SPINK14: variants seen among roughly 807,000 people sequenced by gnomAD.
The protein encoded by SPINK14 is serine peptidase inhibitor Kazal type 14 (putative), also known as serine protease inhibitor Kazal-type 14.
SPINK14 carries 6 observed loss-of-function variants against 14.2 expected under a neutral mutation model. That is an observed-to-expected ratio of 0.42 (90% confidence interval 0.23 to 0.83). The LOEUF (loss-of-function observed/expected upper bound fraction) is 0.83. Ranked by LOEUF, SPINK14 falls within the 40% of genes least tolerant of loss-of-function variation. SPINK14 has a pLI of 0.28. For synonymous variants in SPINK14, 34 were observed against 36.8 expected, an observed-to-expected ratio of 0.92 and a Z score of 0.27; for missense variants, 86 against 108.3, an observed-to-expected ratio of 0.79 and a Z score of 0.91.
intron 4 of SPINK14, among the ~76,000 whole-genome samples, chr5:148,174,631 A>C (rs1755144901): frequency 2.1e-5 from 1 of 48,370 alleles, no homozygotes; most frequent in Non-Finnish European, 4.3e-5. Context: ...CAATTGATTG[A>C]CTTCCACTCG....
At position 148,174,385 on chromosome 5, in the gene SPINK14, G is replaced by A; in HGVS notation, c.248+15G>A. On this transcript the variant is annotated intron_variant, in intron 4 of 4. Transcript: ENST00000356972. Reference sequence around the variant, plus strand: ...GTTGAGAGCTTGTGAGTACTATTTGGGGAAAAGAGGGGAACTGTAAGTATG... The same window carrying A: ...GTTGAGAGCTTGTGAGTACTATTTGAGGAAAAGAGGGGAACTGTAAGTATG... 9.2e-7 allele frequency: 1 copy of A among 1,091,322 alleles called. No individual in the cohort carries two copies. 67.6% of individuals were successfully genotyped at this position (1,091,322 alleles called of 1,614,324 possible). A position where few individuals can be genotyped will look rare whatever the true frequency, so the allele number is the denominator to read the frequency against.
Position 148,175,316 on chromosome 5 carries a change from T to C in SPINK14, c.249-37T>C, listed in dbSNP as rs1481636349. 2.3e-6 allele frequency: 3 copies of C among 1,306,870 alleles called. No homozygotes were observed. In the African/African-American group the frequency reaches 4.4e-5, roughly 19 times the overall value. The allele number at this position is 1,306,870 out of a possible 1,614,324, so 81.0% of individuals were successfully genotyped here. A position where few individuals can be genotyped will look rare whatever the true frequency, so the allele number is the denominator to read the frequency against. ...GTATTTGTTTAGTTCTGACATTGTA[T>C]TACTAAATGAAATGTTTATTCTGAT... On this transcript the variant is annotated intron_variant, in intron 4 of 4. Coordinates refer to ENST00000356972, the MANE Select transcript of SPINK14 (RefSeq NM_001001325.2).
rs1346884924 is a variant in SPINK14, at chr5:148,175,596, A to G, written c.*198A>G. Among the ~76,000 whole-genome samples the G allele has an allele frequency of 6.6e-6, 1 of 152,034 alleles. No individual in the cohort carries two copies. The highest frequency in any genetic ancestry group is 1.5e-5 in the Non-Finnish European group (1 of 68,004). On this transcript the variant is annotated 3_prime_UTR_variant, in exon 5 of 5. Coordinates refer to ENST00000356972, the MANE Select transcript of SPINK14 (RefSeq NM_001001325.2). ...ACTGATTGCCTTCCATAGTCTCCCT[A>G]ATAAATACACTTTTATGAAAGTCTG...
chr5:148,171,047 G>A, intron 3 of SPINK14, 74 bp downstream of exon 3: 1 of 1,437,802 alleles, frequency 7.0e-7, no homozygotes, highest in Non-Finnish European at 9.8e-7. Context: ...TTGTTACTGT[G>A]GAAACTTAAT....
intron 1 of SPINK14, among the ~76,000 whole-genome samples, chr5:148,169,153 A>AATGTCC (rs980802278): frequency 6.6e-6 from 1 of 152,088 alleles, no homozygotes; most frequent in Non-Finnish European, 1.5e-5. Flanking sequence ...TCTCCCTGTG[A>AATGTCC]ATGTCCTCAA....
chr5:148,169,102 A>T (rs917583660), intron 1 of SPINK14, among the ~76,000 whole-genome samples: 2 of 152,128 alleles, frequency 1.3e-5, no homozygotes, highest in African/African-American at 4.8e-5. Context: ...TCTGGATTAA[A>T]ATAGCTGTGG....
chr5:148,169,919 T>C, intron 2 of SPINK14, 120 bp downstream of exon 2: 2 of 481,110 alleles, frequency 4.2e-6, no homozygotes, highest in Non-Finnish European at 6.9e-6. Flanking sequence ...TATATATGTG[T>C]ATATATATAT....
chr5:148,168,722 G>A (rs1216138271), intron 1 of SPINK14, among the ~76,000 whole-genome samples, 155 bp downstream of exon 1: 1 of 152,054 alleles, frequency 6.6e-6, no homozygotes, highest in Non-Finnish European at 1.5e-5. Flanking sequence ...AGCAAAACAT[G>A]GTGTCCCAGA....
At chr5:148,171,020 G>A in intron 3 of SPINK14, 47 bp downstream of exon 3, 1 of 1,568,650 alleles carries the variant, frequency 6.4e-7, no homozygotes, top group Non-Finnish European at 8.7e-7. Context: ...TATAATATGA[G>A]TTCTTTTTTT....
At chr5:148,173,438 T>G (rs184524559) in intron 3 of SPINK14, among the ~76,000 whole-genome samples, 7 of 152,186 alleles carry the variant, frequency 4.6e-5, no homozygotes, top group African/African-American at 1.7e-4. Context: ...AGGGCATTAG[T>G]CTTAGTGATC....
At position 148,175,393 on chromosome 5, in the gene SPINK14, T is replaced by C. The variant is rs1182393528; in HGVS notation, c.289T>C (p.Cys97Arg). 1.2e-6 allele frequency: 2 copies of C among 1,606,262 alleles called. No individual in the cohort carries two copies. The highest frequency in any genetic ancestry group is 1.7e-6 in the Non-Finnish European group (2 of 1,175,046). Residue 97 changes from cysteine to arginine, a missense_variant, in exon 5 of 5, where the codon TGT becomes CGT. Cys to Arg is a radical substitution (Grantham distance 180). Transcript: ENST00000356972. ...AATCAGGTTTTACCATGATGGAAAATGTTAGCTGAGTGGACTTGAATGTGG... is the reference window on the plus strand; with the variant it reads ...AATCAGGTTTTACCATGATGGAAAACGTTAGCTGAGTGGACTTGAATGTGG... The part of the protein sequence containing the change: ...GRIRFYHDGK[C>R]
At position 148,169,674 on chromosome 5, in the gene SPINK14, G is replaced by C; in HGVS notation, c.-59G>C. Reference sequence around the variant, plus strand: ...TCTCTACTTTAGTGATTGTATTAGAGGGCAACAACCTGAGACAATATTTCA... The same window carrying C: ...TCTCTACTTTAGTGATTGTATTAGACGGCAACAACCTGAGACAATATTTCA... On this transcript the variant is annotated 5_prime_UTR_variant, in exon 2 of 5. Coordinates refer to ENST00000356972, the MANE Select transcript of SPINK14 (RefSeq NM_001001325.2). The C allele has an allele frequency of 7.1e-7, 1 of 1,414,598 alleles. No individual in the cohort carries two copies. The highest frequency in any genetic ancestry group is 1.2e-5 in the South Asian group (1 of 84,176). 87.6% of individuals were successfully genotyped at this position (1,414,598 alleles called of 1,614,324 possible).
At chr5:148,173,976 G>C (rs1415184551) in intron 3 of SPINK14, among the ~76,000 whole-genome samples, 1 of 85,650 alleles carries the variant, frequency 1.2e-5, no homozygotes, top group Non-Finnish European at 2.4e-5. Flanking sequence ...GAGAAGCTGG[G>C]ACTGCAGGCG....
chr5:148,170,838 G>T (rs2076571749), intron 2 of SPINK14, 92 bp from the exon 3 acceptor site: 3 of 1,119,756 alleles, frequency 2.7e-6, no homozygotes. Flanking sequence ...AAACTTCCTT[G>T]ATAATAAATT....
intron 1 of SPINK14, among the ~76,000 whole-genome samples, chr5:148,169,264 G>A (rs1755069108): frequency 6.6e-6 from 1 of 152,102 alleles, no homozygotes; most frequent in Non-Finnish European, 1.5e-5. Flanking sequence ...TTTGCTTGAC[G>A]AGCAAGTACA....
At chr5:148,168,723 G>A (rs951399860) in intron 1 of SPINK14, among the ~76,000 whole-genome samples, 156 bp downstream of exon 1, 2 of 152,082 alleles carry the variant, frequency 1.3e-5, no homozygotes, top group African/African-American at 4.8e-5. Flanking sequence ...GCAAAACATG[G>A]TGTCCCAGAT....
chr5:148,175,590 C>G lies in SPINK14; in HGVS notation c.*192C>G, dbSNP rs75978170. Among the ~76,000 whole-genome samples, 2,424 of 152,110 alleles carry G rather than the reference C, an allele frequency of 0.016. 70 individuals are homozygous for G. The highest frequency in any genetic ancestry group is 0.055 in the African/African-American group (2,286 of 41,494). On this transcript the variant is annotated 3_prime_UTR_variant, in exon 5 of 5. Coordinates refer to ENST00000356972, the MANE Select transcript of SPINK14 (RefSeq NM_001001325.2). ...TCACTGACTGATTGCCTTCCATAGTCTCCCTAATAAATACACTTTTATGAA... is the reference window on the plus strand; with the variant it reads ...TCACTGACTGATTGCCTTCCATAGTGTCCCTAATAAATACACTTTTATGAA...
At chr5:148,172,155 A>G (rs1032577232) in intron 3 of SPINK14, among the ~76,000 whole-genome samples, 3 of 152,134 alleles carry the variant, frequency 2.0e-5, no homozygotes, top group Non-Finnish European at 4.4e-5. Flanking sequence ...AGAGATAACT[A>G]CTATAAACAA....
intron 2 of SPINK14, among the ~76,000 whole-genome samples, chr5:148,170,042 T>C (rs1356364188): frequency 6.8e-6 from 1 of 146,792 alleles, no homozygotes; most frequent in Non-Finnish European, 1.5e-5. Flanking sequence ...TATTTTAGAC[T>C]CTCTCTGTCT....
Sources: allele counts gnomAD v4.1 joint callset (sites outside exome capture counted in the v4.1 genomes callset), GRCh38; gene constraint gnomAD v4.1.1; transcripts MANE v1.5; gene names NCBI Gene and HGNC (gene_info 2026-07-23, HGNC 2026-07-21).